Variants in SNRK observed in about 807,000 individuals in gnomAD.
SNRK encodes SNF related kinase, also known as SNF-related serine/threonine-protein kinase.
SNRK carries 3 observed loss-of-function variants against 48.2 expected under a neutral mutation model. The ratio of observed to expected loss-of-function variants is 0.06; its 90% CI spans 0.03 to 0.16. The LOEUF is 0.16. SNRK is among the 10% of genes least tolerant of loss of function. SNRK has a pLI of 1.00. For synonymous variants in SNRK, 376 were observed against 366.1 expected (o/e 1.03, Z -0.31); for missense variants, 627 against 976.0 (o/e 0.64, Z 4.76).
rs550017837 is a variant in SNRK at position 43,292,919 on chromosome 3, A to G, written c.-169+6244A>G. On this transcript the variant is annotated intron_variant, in intron 1 of 6. Transcript: ENST00000296088. ...TACAGAATGTGCAGGTTTGTTACATAGATATACATGTGCCATGGTGGTTTG... is the reference window on the plus strand; with the variant it reads ...TACAGAATGTGCAGGTTTGTTACATGGATATACATGTGCCATGGTGGTTTG... Among the ~76,000 whole-genome samples the G allele has an allele frequency of 9.3e-4, 141 of 152,240 alleles. 1 individual carries two copies. Among genetic ancestry groups the G allele is most frequent in the Middle Eastern group, 3.4e-3 (1 of 294 alleles).
intron 3 of SNRK, among the ~76,000 whole-genome samples, chr3:43,308,858 G>T (rs2090957296): frequency 6.6e-6 from 1 of 152,170 alleles, no homozygotes; most frequent in African/African-American, 2.4e-5. Flanking sequence ...TAATTCCTCC[G>T]ATCCATCTGG....
chr3:43,337,794 G>A (rs1184091051), intron 4 of SNRK, among the ~76,000 whole-genome samples: 1 of 152,142 alleles, frequency 6.6e-6, no homozygotes, highest in Non-Finnish European at 1.5e-5. Context: ...AACACTTATA[G>A]AACCATCACT....
chr3:43,293,230 A>G (rs1048003102), intron 1 of SNRK, among the ~76,000 whole-genome samples: 7 of 152,106 alleles, frequency 4.6e-5, no homozygotes, highest in Non-Finnish European at 1.5e-5. Flanking sequence ...AGCTTCCCAA[A>G]GTGCTGGGGT....
In SNRK at chr3:43,348,642, T is replaced by C; in HGVS notation, c.*85T>C. ...TTCACTGTTCCATTTGGTTTTACTA[T>C]TTTAAAGTGGGCGTTAGGAGCAATT... On this transcript the variant is annotated 3_prime_UTR_variant, in exon 7 of 7. Transcript: ENST00000296088. 7.4e-7 allele frequency: 1 copy of C among 1,352,732 alleles called. No individual in the cohort carries two copies. The highest frequency in any genetic ancestry group is 9.6e-7 in the Non-Finnish European group (1 of 1,043,398). The allele number at this position is 1,352,732 out of a possible 1,614,324, so 83.8% of individuals were successfully genotyped here.
intron 4 of SNRK, among the ~76,000 whole-genome samples, chr3:43,339,366 T>G (rs1475763130): frequency 2.0e-5 from 3 of 152,212 alleles, no homozygotes; most frequent in Non-Finnish European, 4.4e-5. Flanking sequence ...TTCTGTTATA[T>G]GCACCCAACA....
chr3:43,290,657 G>A (rs911974042), intron 1 of SNRK, among the ~76,000 whole-genome samples: 2 of 151,994 alleles, frequency 1.3e-5, no homozygotes, highest in African/African-American at 2.4e-5. Flanking sequence ...CTCTATTCTC[G>A]CCCTTTCAGT....
chr3:43,306,219 T>C (rs2090936427), intron 3 of SNRK, among the ~76,000 whole-genome samples: 1 of 151,038 alleles, frequency 6.6e-6, no homozygotes, highest in African/African-American at 2.4e-5. Context: ...GAAATAAATA[T>C]AGAATTGCTA....
chr3:43,332,206 G>T lies in SNRK; in HGVS notation c.627G>T (p.Val209=). The T allele has an allele frequency of 1.9e-6, 3 of 1,598,950 alleles. No homozygotes were observed. The highest frequency in any genetic ancestry group is 2.6e-6 in the Non-Finnish European group (3 of 1,173,410). ...WSLGVILFML[V]CGQPPFQEAN... ...TGGGAGTGATCCTTTTCATGTTGGT[G>T]TGTGGGCAGCCGCCCTTTCAAGAAG... Residue 209 remains valine (V), a synonymous_variant, in exon 4 of 7, where the codon GTG becomes GTT. Coordinates refer to ENST00000296088, the MANE Select transcript of SNRK (RefSeq NM_017719.5).
chr3:43,303,339 G>C lies in SNRK; in HGVS notation c.136G>C (p.Val46Leu). ...TACGGGTGAAAAGGTGGCAGTAAAA[G>C]TTATTGACAAGACAAAACTGGACAC... ...VFTGEKVAVK[V>L]IDKTKLDTLA... Residue 46 changes from valine to leucine, a missense_variant, in exon 3 of 7, where the codon GTT (valine) becomes CTT (leucine). By Grantham distance (32) the Val-to-Leu change is conservative. Around this residue, in one of 4 missense-constraint regions of SNRK, gnomAD observed 147 missense variants for 356.8 expected, o/e 0.41. Transcript: ENST00000296088. The surrounding 1 kb of genome is among the most constrained non-coding windows in gnomAD (Gnocchi z 6.2). The C allele has an allele frequency of 1.9e-6, 3 of 1,614,086 alleles. No homozygotes were observed. Among genetic ancestry groups the C allele is most frequent in the Non-Finnish European group, 1.7e-6 (2 of 1,179,998 alleles).
At chr3:43,305,410 G>C (rs981939371) in intron 3 of SNRK, among the ~76,000 whole-genome samples, 1 of 151,878 alleles carries the variant, frequency 6.6e-6, no homozygotes, top group African/African-American at 2.4e-5. Flanking sequence ...AACATGATTG[G>C]ATCTCACAAG....
chr3:43,320,825 T>G (rs1227361387), intron 3 of SNRK, among the ~76,000 whole-genome samples: 1 of 152,154 alleles, frequency 6.6e-6, no homozygotes, highest in African/African-American at 2.4e-5. Context: ...TTAAGATTCT[T>G]ATATGAATTT....
chr3:43,317,569 A>C (rs2091022918), intron 3 of SNRK, among the ~76,000 whole-genome samples: 1 of 152,182 alleles, frequency 6.6e-6, no homozygotes, highest in South Asian at 2.1e-4. Context: ...ACTGTGGCCA[A>C]CACAGCCCAA....
rs1022705057 is a variant in SNRK, at chr3:43,347,003, G to T, written c.1080-336G>T. On this transcript the variant is annotated intron_variant, in intron 6 of 6. Coordinates refer to ENST00000296088, the MANE Select transcript of SNRK (RefSeq NM_017719.5). The surrounding 1 kb of genome is among the most constrained non-coding windows in gnomAD (Gnocchi z 5.4). ...AAACAAGACGTGGTGTTCAGGTTTT[G>T]CTTTGCCAATAACCTCCATGGGCTT... 2 of 200,274 alleles carry T rather than the reference G, an allele frequency of 1.0e-5. No individual in the cohort carries two copies. The highest frequency in any genetic ancestry group is 1.2e-4 in the East Asian group (1 of 8,126). The allele number at this position is 200,274 out of a possible 1,614,324, so 12.4% of individuals were successfully genotyped here.
chr3:43,347,791 G>A lies in SNRK; in HGVS notation c.1532G>A (p.Arg511Lys). Residue 511 changes from arginine (R) to lysine (K), a missense_variant, in exon 7 of 7, where the codon AGG becomes AAG. Around this residue, in one of 4 missense-constraint regions of SNRK, gnomAD observed 98 missense variants for 175.2 expected, o/e 0.56. Transcript: ENST00000296088. The surrounding 1 kb of genome is among the most constrained non-coding windows in gnomAD (Gnocchi z 5.4). ...GAGAATCTGCCTCCCAAGTTGAGCAGGTTAAAGATGAATATAGCTTCTCCA... is the reference window on the plus strand; with the variant it reads ...GAGAATCTGCCTCCCAAGTTGAGCAAGTTAAAGATGAATATAGCTTCTCCA... ...MDENLPPKLS[R>K]LKMNIASPGT... is the part of the protein sequence containing the mutation. The A allele has an allele frequency of 6.2e-7, 1 of 1,614,198 alleles. No homozygotes were observed.
chr3:43,306,148 G>A (rs1003333484), intron 3 of SNRK, among the ~76,000 whole-genome samples: 3 of 152,096 alleles, frequency 2.0e-5, no homozygotes, highest in Non-Finnish European at 4.4e-5. Flanking sequence ...GGAGTTCATA[G>A]GTAACTTTTT....
In SNRK at chr3:43,343,332, T is replaced by C; in HGVS notation, c.945-12T>C. The C allele has an allele frequency of 1.9e-6, 3 of 1,592,176 alleles. No individual in the cohort carries two copies. The highest frequency in any genetic ancestry group is 2.6e-6 in the Non-Finnish European group (3 of 1,172,216). On this transcript the variant is annotated splice_polypyrimidine_tract_variant and intron_variant, in intron 5 of 6. Transcript: ENST00000296088. ...ATATGGCTGACGTTTGCTCTCACCTTGTTTTCCTCAGAGCCCTGGAAACCA... is the reference window on the plus strand; with the variant it reads ...ATATGGCTGACGTTTGCTCTCACCTCGTTTTCCTCAGAGCCCTGGAAACCA...
intron 3 of SNRK, among the ~76,000 whole-genome samples, chr3:43,308,541 C>T (rs2090955488): frequency 6.6e-6 from 1 of 152,170 alleles, no homozygotes; most frequent in African/African-American, 2.4e-5. Flanking sequence ...TACCTGTGCT[C>T]TATAAATGGA....
chr3:43,336,754 G>GGTTTTC (rs1163723577), intron 4 of SNRK, among the ~76,000 whole-genome samples: 17 of 151,804 alleles, frequency 1.1e-4, no homozygotes, highest in Middle Eastern at 3.4e-3. Flanking sequence ...TGTTTGTTTT[G>GGTTTTC]GTTTTGGTTT....
At chr3:43,286,757 C>T (rs1407009211) in intron 1 of SNRK, 82 bp downstream of exon 1, 5 of 148,154 alleles carry the variant, frequency 3.4e-5, no homozygotes, top group Admixed American at 6.7e-5. Context: ...TCAGTAGCCT[C>T]CGCTGTTGCC....
Sources: gnomAD v4.1 joint callset for allele counts (sites outside exome capture counted in the v4.1 genomes callset) on GRCh38, gnomAD v4.1.1 for gene constraint, gnomAD v4.1.1 regional missense constraint, Gnocchi (gnomAD v3.1) non-coding constraint, MANE v1.5 for transcripts, NCBI Gene and HGNC (gene_info 2026-07-23, HGNC 2026-07-21) for gene names.